The following ASIC2 variants were observed in gnomAD, a reference collection of about 807,000 sequenced individuals.
ASIC2 encodes the protein acid sensing ion channel subunit 2.
In ASIC2, 25 loss-of-function variants were observed where a neutral mutation model predicts 57.3. The observed-to-expected ratio is 0.44, with a 90% CI of 0.32 to 0.61. The LOEUF (loss-of-function observed/expected upper bound fraction) is 0.61, where lower values mean the gene tolerates loss of function less well. Among genes scored for constraint, ASIC2 ranks in the 20% least tolerant of loss-of-function variants. The pLI, the probability that ASIC2 is intolerant of heterozygous loss-of-function variation, is 0.06. For missense variants in ASIC2, 641 were observed against 738.1 expected, an observed-to-expected ratio of 0.87 and a Z score of 1.52; for synonymous variants, 319 against 307.5, an observed-to-expected ratio of 1.04 and a Z score of -0.39.
At chr17:33,579,523 G>A (rs1177764485) in intron 1 of ASIC2, among the ~76,000 whole-genome samples, 4 of 152,074 alleles carry the variant, frequency 2.6e-5, no homozygotes, top group African/African-American at 7.2e-5. Context: ...CCTCCTGGTG[G>A]GTTCTCGGTC....
intron 1 of ASIC2, among the ~76,000 whole-genome samples, chr17:33,382,534 GA>G (rs1298845470): frequency 1.3e-5 from 2 of 152,162 alleles, no homozygotes; most frequent in African/African-American, 4.8e-5. Context: ...CATACTATGT[GA>G]AGTCACATAA....
intron 1 of ASIC2, among the ~76,000 whole-genome samples, chr17:34,150,051 A>G (rs567118826): frequency 5.1e-4 from 78 of 152,366 alleles, no homozygotes; most frequent in African/African-American, 1.8e-3. Flanking sequence ...AATACTATTC[A>G]GCCTTTAAAA....
intron 1 of ASIC2, among the ~76,000 whole-genome samples, chr17:33,887,638 A>G (rs769004955): frequency 6.6e-6 from 1 of 152,044 alleles, no homozygotes; most frequent in Non-Finnish European, 1.5e-5. Context: ...ACATTTCTAG[A>G]AGATTTAAGT....
At chr17:33,129,648 A>T (rs987819436) in intron 1 of ASIC2, among the ~76,000 whole-genome samples, 2 of 152,214 alleles carry the variant, frequency 1.3e-5, no homozygotes, top group South Asian at 2.1e-4. Context: ...TAACTTAGGC[A>T]TGCCCTGAGG....
intron 1 of ASIC2, among the ~76,000 whole-genome samples, chr17:33,560,525 C>T (rs552303117): frequency 9.2e-5 from 14 of 152,092 alleles, no homozygotes; most frequent in African/African-American, 1.2e-4. Flanking sequence ...AGGACCTTTT[C>T]GAAGGAAGAT....
At chr17:33,476,245 C>A (rs1236239905) in intron 1 of ASIC2, among the ~76,000 whole-genome samples, 1 of 152,094 alleles carries the variant, frequency 6.6e-6, no homozygotes, top group Non-Finnish European at 1.5e-5. Flanking sequence ...AATACGTGAC[C>A]ACCATCACTG....
intron 1 of ASIC2, chr17:33,533,817 A>G (rs1915137227): frequency 6.6e-6 from 1 of 152,070 alleles, no homozygotes; most frequent in Non-Finnish European, 1.5e-5. Context: ...TTCTAAACCC[A>G]CTTGTCAGCT....
At chr17:33,898,595 T>C (rs1915161460) in intron 1 of ASIC2, among the ~76,000 whole-genome samples, 1 of 152,138 alleles carries the variant, frequency 6.6e-6, no homozygotes, top group South Asian at 2.1e-4. Flanking sequence ...AAATTAACAG[T>C]GGTATAACAT....
chr17:33,191,069 A>C (rs1236962619), intron 1 of ASIC2, among the ~76,000 whole-genome samples: 1 of 152,228 alleles, frequency 6.6e-6, no homozygotes, highest in Non-Finnish European at 1.5e-5. Flanking sequence ...AACTGGAAAC[A>C]ACCCATGTTT....
At chr17:34,090,167 T>C (rs1910274233) in intron 1 of ASIC2, among the ~76,000 whole-genome samples, 1 of 152,176 alleles carries the variant, frequency 6.6e-6, no homozygotes, top group African/African-American at 2.4e-5. Flanking sequence ...TAGGGGGATG[T>C]GGTTTCTCTT....
rs372110374 is a variant in ASIC2 at position 33,816,172 on chromosome 17, G to GT, written c.555+339805_555+339806insA. On this transcript the variant is annotated intron_variant, in intron 1 of 9. Coordinates refer to the ASIC2 transcript ENST00000359872. Reference sequence around the variant, plus strand: ...CTGAGTAGGAGCTCACCAACTGAAGGGGGGGCGGGTGGGGTAGAGAAAGTT... The same window carrying GT: ...CTGAGTAGGAGCTCACCAACTGAAGGTGGGGGCGGGTGGGGTAGAGAAAGTT... Among the ~76,000 whole-genome samples the GT allele has an allele frequency of 4.7e-5, 7 of 148,230 alleles. No homozygotes were observed. In the East Asian group the frequency reaches 7.8e-4, roughly 17 times the overall value.
chr17:33,127,090 C>T (rs1303475482), intron 1 of ASIC2, among the ~76,000 whole-genome samples: 1 of 149,324 alleles, frequency 6.7e-6, no homozygotes, highest in African/African-American at 2.5e-5. Flanking sequence ...AGGATGGTCT[C>T]GATCTCCTGA....
rs1193786465 is a variant in ASIC2, at chr17:33,768,054, G to T, written c.555+387924C>A. On this transcript the variant is annotated intron_variant, in intron 1 of 9. Coordinates refer to the ASIC2 transcript ENST00000359872. ...GACGGAGTCTCACTCTGTTGCCCAGGCTGGGGTGCAGTGGCGCGATCTCGG... is the reference window on the plus strand; with the variant it reads ...GACGGAGTCTCACTCTGTTGCCCAGTCTGGGGTGCAGTGGCGCGATCTCGG... 3.3e-5 allele frequency among the ~76,000 whole-genome samples: 5 copies of T among 151,716 alleles called. No individual in the cohort carries two copies. The East Asian group carries it at 9.7e-4, about 29-fold the overall frequency.
At chr17:33,326,759 G>A (rs1385907838) in intron 1 of ASIC2, among the ~76,000 whole-genome samples, 1 of 152,164 alleles carries the variant, frequency 6.6e-6, no homozygotes, top group Non-Finnish European at 1.5e-5. Context: ...AGTTTTCTCT[G>A]TCTCACTGCC....
intron 1 of ASIC2, among the ~76,000 whole-genome samples, chr17:33,244,025 G>A (rs1908605322): frequency 1.3e-5 from 2 of 152,298 alleles, no homozygotes; most frequent in Admixed American, 6.5e-5. Flanking sequence ...CCCCCAGCCC[G>A]CTTCTATATG....
rs1430760871 is a variant in ASIC2 at position 33,293,148 on chromosome 17, G to T, written c.-1033C>A. ...CTTCTCCTCTCGAGACTCCGAGCTC[G>T]CGGTGGCCGTGACGCCGGCTAAGCT... On this transcript the variant is annotated 5_prime_UTR_variant, in exon 1 of 10. Coordinates refer to ENST00000225823, the MANE Select transcript of ASIC2 (RefSeq NM_183377.2). Among the ~76,000 whole-genome samples the T allele has an allele frequency of 1.3e-5, 2 of 152,214 alleles. No homozygotes were observed. The highest frequency in any genetic ancestry group is 2.9e-5 in the Non-Finnish European group (2 of 68,024).
chr17:33,285,648 G>A (rs572582527), intron 1 of ASIC2, among the ~76,000 whole-genome samples: 16 of 152,312 alleles, frequency 1.1e-4, no homozygotes, highest in Middle Eastern at 3.4e-3. Flanking sequence ...CCTACTGATG[G>A]ACTCCTTCCT....
At chr17:34,149,129 CAG>C (rs1455662148) in intron 1 of ASIC2, among the ~76,000 whole-genome samples, 1 of 124,422 alleles carries the variant, frequency 8.0e-6, no homozygotes, top group Non-Finnish European at 1.6e-5. Flanking sequence ...TTTTTTGAGA[CAG>C]TGTCTCGCTC....
At chr17:33,830,877 A>T (rs1432956701) in intron 1 of ASIC2, among the ~76,000 whole-genome samples, 2 of 151,980 alleles carry the variant, frequency 1.3e-5, no homozygotes, top group Admixed American at 6.6e-5. Context: ...TTAGGAGGCC[A>T]AAGTGGGTGG....
Sources: gnomAD v4.1 joint callset for allele counts (sites outside exome capture counted in the v4.1 genomes callset) on GRCh38, gnomAD v4.1.1 for gene constraint, MANE v1.5 for transcripts, NCBI Gene and HGNC (gene_info 2026-07-23, HGNC 2026-07-21) for gene names.